The following USP4 variants were observed in gnomAD, a reference collection of about 807,000 sequenced individuals.
The protein encoded by USP4 is ubiquitin carboxyl-terminal hydrolase 4.
In USP4, 72 loss-of-function variants were observed where a neutral mutation model predicts 118.2. The ratio of observed to expected loss-of-function variants is 0.61; its 90% CI spans 0.50 to 0.74. The LOEUF (loss-of-function observed/expected upper bound fraction) is 0.74. Among genes scored for constraint, USP4 ranks in the 30% least tolerant of loss-of-function variants. USP4 has a pLI of 0.00. For synonymous variants in USP4, 415 were observed against 440.4 expected (o/e 0.94, Z 0.72); for missense variants, 1,037 against 1,185.7 (o/e 0.87, Z 1.84).
At chr3:49,317,540 TTG>T (rs1192254558) in intron 6 of USP4, 21 of 566,236 alleles carry the variant, frequency 3.7e-5, no homozygotes, top group Admixed American at 1.2e-4. Flanking sequence ...TTTTGTTTGT[TTG>T]TTTTTTTTTT....
intron 13 of USP4, among the ~76,000 whole-genome samples, 185 bp downstream of exon 13, chr3:49,297,685 C>A (rs1259604886): frequency 2.0e-5 from 3 of 152,146 alleles, no homozygotes; most frequent in Non-Finnish European, 4.4e-5. Flanking sequence ...CTCTGCAGGG[C>A]AGGAGGGGTT....
intron 19 of USP4, among the ~76,000 whole-genome samples, chr3:49,281,636 C>T (rs1034279373): frequency 6.6e-6 from 1 of 150,976 alleles, no homozygotes; most frequent in East Asian, 2.0e-4. Context: ...ATCGATTGAT[C>T]CTGGGAGGCA....
intron 9 of USP4, 40 bp downstream of exon 9, chr3:49,305,675 T>C (rs758617689): frequency 5.3e-6 from 8 of 1,508,184 alleles, no homozygotes; most frequent in African/African-American, 1.4e-5. Context: ...GGCATCTATA[T>C]ACAGGGATAC....
At chr3:49,317,271 G>C in intron 6 of USP4, 1 of 1,535,138 alleles carries the variant, frequency 6.5e-7, no homozygotes. Flanking sequence ...GGTTCTCGTT[G>C]ACGCGGGCCA....
intron 6 of USP4, among the ~76,000 whole-genome samples, chr3:49,321,264 C>T (rs915653475): frequency 6.6e-6 from 1 of 152,138 alleles, no homozygotes; most frequent in African/African-American, 2.4e-5. Flanking sequence ...TTAGTTGTTC[C>T]ATTAACTTAT....
intron 2 of USP4, among the ~76,000 whole-genome samples, chr3:49,331,969 C>CAAAAAAAAA (rs35594824): frequency 5.7e-5 from 6 of 105,868 alleles, no homozygotes; most frequent in African/African-American, 2.1e-4. Context: ...CCCATCTCTA[C>CAAAAAAAAA]AAAAAAAAAA....
intron 15 of USP4, among the ~76,000 whole-genome samples, chr3:49,288,582 G>C (rs1254456888): frequency 2.0e-5 from 3 of 152,168 alleles, no homozygotes; most frequent in Non-Finnish European, 4.4e-5. Flanking sequence ...GGCTGAGGCA[G>C]GAGAATCACT....
chr3:49,278,966 G>T, intron 20 of USP4, 64 bp from the exon 21 acceptor site: 1 of 1,114,202 alleles, frequency 9.0e-7, no homozygotes, highest in Non-Finnish European at 1.3e-6. Context: ...TAGCTTATTA[G>T]GCTTGCACTA....
At chr3:49,309,616 C>T (rs1360768712) in intron 8 of USP4, among the ~76,000 whole-genome samples, 1 of 125,754 alleles carries the variant, frequency 8.0e-6, no homozygotes, top group Non-Finnish European at 1.6e-5. Context: ...TGGGGCGGGA[C>T]AGCTTTTTTT....
chr3:49,318,512 AAACT>A (rs2047465354), intron 6 of USP4: 1 of 985,492 alleles, frequency 1.0e-6, no homozygotes, highest in East Asian at 1.1e-4. Context: ...AACCCTTGAG[AAACT>A]AATATTAAGT....
chr3:49,330,476 C>T (rs1242129076), intron 2 of USP4, among the ~76,000 whole-genome samples: 2 of 151,626 alleles, frequency 1.3e-5, no homozygotes, highest in Non-Finnish European at 2.9e-5. Context: ...TACAGGCACC[C>T]GCCACCACAC....
At position 49,284,544 on chromosome 3, in the gene USP4, T is replaced by G. The variant is rs749168065; in HGVS notation, c.2312A>C (p.Lys771Thr). 1 of 1,614,106 alleles carries G rather than the reference T, an allele frequency of 6.2e-7. No individual in the cohort carries two copies. The highest frequency in any genetic ancestry group is 8.5e-7 in the Non-Finnish European group (1 of 1,180,008). The change falls in exon 18 of 22, where the codon AAG (lysine) becomes ACG (threonine). Residue 771 changes from lysine (K) to threonine (T), a missense_variant. Physicochemically the swap from Lys to Thr is moderately conservative, Grantham distance 78. Around this residue, in one of 3 missense-constraint regions of USP4, gnomAD observed 522 missense variants for 592.6 expected, o/e 0.88. Transcript: ENST00000265560. ...TCTCAGGGCCACTGTGGTCTTCTTC[T>G]TCTTCTGAGGCTGCAACATGCTCAC... The part of the protein sequence containing the change: ...KHVSMLQPQK[K>T]KKTTVALRDC...
At position 49,302,282 on chromosome 3, in the gene USP4, G is replaced by A. The variant is rs2047269595; in HGVS notation, c.1287+102C>T. 3 of 1,370,046 alleles carry A rather than the reference G, an allele frequency of 2.2e-6. No individual in the cohort carries two copies. The South Asian group carries it at 4.6e-5, about 21-fold the overall frequency. 84.9% of individuals were successfully genotyped at this position (1,370,046 alleles called of 1,614,324 possible). On this transcript the variant is annotated intron_variant, in intron 10 of 21. Coordinates refer to ENST00000265560, the MANE Select transcript of USP4 (RefSeq NM_003363.4). ...ACTAGCTACAGTGAGAAGCAACCAG[G>A]GCCCTGGCAACAACACTCAAAGACC...
chr3:49,336,165 CTTT>C (rs34604530), intron 1 of USP4, among the ~76,000 whole-genome samples: 4 of 83,000 alleles, frequency 4.8e-5, no homozygotes, highest in Admixed American at 1.7e-4. Flanking sequence ...CACCTGGCCT[CTTT>C]TTTTTTTTTT....
intron 16 of USP4, 141 bp from the exon 17 acceptor site, chr3:49,285,060 G>A: frequency 1.5e-6 from 1 of 663,288 alleles, no homozygotes; most frequent in African/African-American, 1.8e-5. Flanking sequence ...CAAGAGCAAT[G>A]CTCTGCAATG....
intron 15 of USP4, among the ~76,000 whole-genome samples, chr3:49,288,229 A>C (rs1244735091): frequency 6.6e-6 from 1 of 152,194 alleles, no homozygotes; most frequent in African/African-American, 2.4e-5. Context: ...CCTCTCGGAG[A>C]AGGGCAGAAC....
intron 19 of USP4, among the ~76,000 whole-genome samples, chr3:49,283,169 C>T (rs1252416089): frequency 1.3e-5 from 2 of 151,420 alleles, no homozygotes; most frequent in African/African-American, 4.9e-5. Context: ...GTGTGCGCCA[C>T]CACATCCAGC....
intron 4 of USP4, 92 bp from the exon 5 acceptor site, chr3:49,325,131 A>C: frequency 6.7e-7 from 1 of 1,495,040 alleles, no homozygotes; most frequent in South Asian, 1.2e-5. Context: ...CTTTCTTGTC[A>C]GATGCTCACA....
chr3:49,284,931 CA>C lies in USP4; in HGVS notation c.2201-13del. 6.6e-7 allele frequency: 1 copy of C among 1,520,700 alleles called. No individual in the cohort carries two copies. The highest frequency in any genetic ancestry group is 8.8e-7 in the Non-Finnish European group (1 of 1,133,674). The allele number at this position is 1,520,700 out of a possible 1,614,324, so 94.2% of individuals were successfully genotyped here. On this transcript the variant is annotated splice_polypyrimidine_tract_variant and intron_variant, in intron 16 of 21. Transcript: ENST00000265560. ...CAGTGTAGATCGAGCTGAGGAGGAC[CA>C]AAATGTCACTTGTTATGGAATGGCA...
Sources: allele counts gnomAD v4.1 joint callset (sites outside exome capture counted in the v4.1 genomes callset), GRCh38; gene constraint gnomAD v4.1.1; regional missense constraint gnomAD v4.1.1; transcripts MANE v1.5; gene names NCBI Gene and HGNC (gene_info 2026-07-23, HGNC 2026-07-21).